Variants in AGMO observed in about 807,000 individuals in gnomAD.
AGMO encodes the protein glyceryl-ether monooxygenase.
AGMO carries 75 observed loss-of-function variants against 60.2 expected under a neutral mutation model. The ratio of observed to expected loss-of-function variants is 1.25; its 90% CI spans 1.03 to 1.51. The LOEUF is 1.51. AGMO is among the 40% of genes most tolerant of loss of function. The pLI is 0.00. For synonymous variants in AGMO, 261 were observed against 177.1 expected (o/e 1.47, Z -3.76); for missense variants, 763 against 525.5 (o/e 1.45, Z -4.42).
intron 12 of AGMO, among the ~76,000 whole-genome samples, chr7:15,229,737 TATA>T (rs1782202042): frequency 1.4e-5 from 2 of 147,094 alleles, no homozygotes; most frequent in South Asian, 4.2e-4. Flanking sequence ...AATTATATAT[TATA>T]ATATATATAA....
chr7:15,505,961 T>A (rs1003920907), intron 3 of AGMO, among the ~76,000 whole-genome samples: 1 of 152,020 alleles, frequency 6.6e-6, no homozygotes, highest in African/African-American at 2.4e-5. Flanking sequence ...TAATTGGCAA[T>A]TTGCCAAAGT....
chr7:15,225,346 T>G (rs529912298), intron 12 of AGMO, among the ~76,000 whole-genome samples: 4 of 152,030 alleles, frequency 2.6e-5, no homozygotes, highest in Non-Finnish European at 5.9e-5. Context: ...TCAGTTAATC[T>G]TTGTATTTTC....
intron 3 of AGMO, among the ~76,000 whole-genome samples, chr7:15,470,439 A>T (rs1782421790): frequency 6.6e-6 from 1 of 151,900 alleles, no homozygotes; most frequent in African/African-American, 2.4e-5. Context: ...TACATTTTTA[A>T]GTAGTAAGCA....
At chr7:15,459,086 T>C (rs1391947956) in intron 3 of AGMO, among the ~76,000 whole-genome samples, 2 of 152,182 alleles carry the variant, frequency 1.3e-5, no homozygotes, top group Non-Finnish European at 2.9e-5. Context: ...TATTTTAAAC[T>C]ATATCACAAA....
At chr7:15,130,934 A>G in the AGMO span, among the ~76,000 whole-genome samples, 1 of 152,122 alleles carries the variant, frequency 6.6e-6, no homozygotes, top group African/African-American at 2.4e-5. Flanking sequence ...TTTAACATAG[A>G]ACCTTGGCTT....
intron 3 of AGMO, among the ~76,000 whole-genome samples, chr7:15,534,176 C>T (rs184322522): frequency 2.6e-5 from 4 of 151,042 alleles, no homozygotes; most frequent in Admixed American, 6.6e-5. Context: ...CCTAGGTTCT[C>T]GAAAAGACAT....
chr7:15,280,932 G>C (rs1400581563), intron 12 of AGMO, among the ~76,000 whole-genome samples: 1 of 152,186 alleles, frequency 6.6e-6, no homozygotes, highest in African/African-American at 2.4e-5. Context: ...TGGGATACGT[G>C]AGGATAGGTC....
chr7:15,235,508 C>T (rs1375099823), intron 12 of AGMO, among the ~76,000 whole-genome samples: 1 of 152,076 alleles, frequency 6.6e-6, no homozygotes, highest in East Asian at 1.9e-4. Context: ...AAATTCTCTT[C>T]AAATTGGATG....
At chr7:15,236,236 A>G (rs973197275) in intron 12 of AGMO, among the ~76,000 whole-genome samples, 17 of 152,272 alleles carry the variant, frequency 1.1e-4, no homozygotes, top group African/African-American at 4.1e-4. Context: ...GGGTGGTTGA[A>G]TAATACTCTG....
chr7:15,141,910 A>C, the AGMO span, among the ~76,000 whole-genome samples: 2 of 152,222 alleles, frequency 1.3e-5, no homozygotes, highest in Non-Finnish European at 2.9e-5. Context: ...TTTAAAGAAT[A>C]TGTTTAAAAA....
intron 12 of AGMO, among the ~76,000 whole-genome samples, chr7:15,332,006 A>G (rs190741856): frequency 4.2e-4 from 64 of 152,224 alleles, no homozygotes; most frequent in African/African-American, 1.5e-3. Context: ...AAAACCTCCA[A>G]TGGGCAATCT....
intron 4 of AGMO, among the ~76,000 whole-genome samples, chr7:15,430,222 A>G (rs960177532): frequency 6.6e-6 from 1 of 151,918 alleles, no homozygotes; most frequent in African/African-American, 2.4e-5. Context: ...GAAATGTTTG[A>G]CCATTATAAT....
At chr7:15,143,918 T>C in the AGMO span, among the ~76,000 whole-genome samples, 580 of 152,298 alleles carry the variant, frequency 3.8e-3, 3 homozygotes, top group African/African-American at 0.013. Flanking sequence ...CAGCGCACTG[T>C]ACATTTCAAA....
At chr7:15,314,520 A>G (rs1419835541) in intron 12 of AGMO, among the ~76,000 whole-genome samples, 1 of 150,476 alleles carries the variant, frequency 6.6e-6, no homozygotes, top group African/African-American at 2.5e-5. Context: ...TCTAGTCTTT[A>G]AAAGTTTAAC....
intron 12 of AGMO, among the ~76,000 whole-genome samples, chr7:15,288,579 A>G (rs937371168): frequency 1.2e-4 from 19 of 152,224 alleles, no homozygotes; most frequent in Admixed American, 1.2e-3. Context: ...TTTACTCACT[A>G]AAGAATTCAG....
intron 11 of AGMO, 64 bp from the exon 12 acceptor site, chr7:15,365,683 T>C (rs1782948983): frequency 1.8e-6 from 2 of 1,086,708 alleles, no homozygotes; most frequent in Non-Finnish European, 2.7e-6. Context: ...TCACATGTTA[T>C]AATTAATATA....
At chr7:15,317,198 G>T (rs1486867182) in intron 12 of AGMO, among the ~76,000 whole-genome samples, 3 of 151,998 alleles carry the variant, frequency 2.0e-5, no homozygotes, top group Non-Finnish European at 4.4e-5. Flanking sequence ...CAGTACATTG[G>T]GGATCAGTAT....
chr7:15,385,659 T>G (rs1583489038), intron 9 of AGMO, 97 bp from the exon 10 acceptor site: 1 of 737,700 alleles, frequency 1.4e-6, no homozygotes, highest in South Asian at 1.6e-5. Flanking sequence ...ATCTGCTATT[T>G]TTTTTAAAAA....
At position 15,258,316 on chromosome 7, in the gene AGMO, G is replaced by C. The variant is rs368193282; in HGVS notation, c.1264-56957C>G. 3.3e-5 allele frequency among the ~76,000 whole-genome samples: 5 copies of C among 151,642 alleles called. No individual in the cohort carries two copies. The East Asian group carries it at 9.7e-4, about 30-fold the overall frequency. ...TGGTATACTTTTCTTTTTTTGGGGG[G>C]GGTGGTATGTTCTTTCCTTCTTTTT... On this transcript the variant is annotated intron_variant, in intron 12 of 12. Transcript: ENST00000342526.
Sources: gnomAD v4.1 joint callset for allele counts (sites outside exome capture counted in the v4.1 genomes callset) on GRCh38, gnomAD v4.1.1 for gene constraint, MANE v1.5 for transcripts, NCBI Gene and HGNC (gene_info 2026-07-23, HGNC 2026-07-21) for gene names.